Variants in TK1 observed in about 807,000 individuals in gnomAD.
The protein encoded by TK1 is thymidine kinase 1, also known as thymidine kinase, cytosolic.
In TK1, 13 loss-of-function variants were observed where a neutral mutation model predicts 22.4. That is an observed-to-expected ratio of 0.58 (90% confidence interval 0.38 to 0.92). The LOEUF is 0.92. Ranked by LOEUF, TK1 falls within the 40% of genes least tolerant of loss-of-function variation. The pLI, the probability that TK1 is intolerant of heterozygous loss-of-function variation, is 0.00. For synonymous variants in TK1, 134 were observed against 125.4 expected (o/e 1.07, Z -0.46); for missense variants, 251 against 315.7 (o/e 0.80, Z 1.55).
intron 4 of TK1, among the ~76,000 whole-genome samples, chr17:78,178,201 CT>C (rs774135521): frequency 5.9e-5 from 9 of 152,106 alleles, no homozygotes; most frequent in Non-Finnish European, 1.3e-4. Context: ...TAAATCAGAG[CT>C]CCTACTATTG....
intron 4 of TK1, among the ~76,000 whole-genome samples, chr17:78,180,253 G>A (rs2075729214): frequency 6.6e-6 from 1 of 152,230 alleles, no homozygotes; most frequent in Admixed American, 6.5e-5. Flanking sequence ...CAGCCAGCCA[G>A]GGCGACCTAA....
At chr17:78,182,767 C>A in intron 3 of TK1, 85 bp from the exon 4 acceptor site, 1 of 980,596 alleles carries the variant, frequency 1.0e-6, no homozygotes, top group Non-Finnish European at 1.4e-6. Context: ...CTGTCGTGAC[C>A]ACCTGCTACC....
chr17:78,175,487 C>T (rs200898699), intron 5 of TK1, 42 bp downstream of exon 5: 3 of 1,580,932 alleles, frequency 1.9e-6, no homozygotes, highest in South Asian at 1.1e-5. Flanking sequence ...AAGCCTCTTG[C>T]CCTCCTCAAT....
In TK1 at chr17:78,182,583, A is replaced by T. The variant is rs1051792127; in HGVS notation, c.303+6T>A. On this transcript the variant is annotated splice_donor_region_variant and intron_variant, in intron 4 of 6. Coordinates refer to ENST00000301634, the MANE Select transcript of TK1 (RefSeq NM_003258.5). ...GGAAGAGTGATGCCAAGACAAGCCA[A>T]CTTACAAACTGCCCCTCGTCGATGC... The T allele has an allele frequency of 4.5e-6, 7 of 1,570,642 alleles. No individual in the cohort carries two copies. Among genetic ancestry groups the T allele is most frequent in the Non-Finnish European group, 6.1e-6 (7 of 1,156,926 alleles).
rs1011721667 is a variant in TK1 at position 78,174,334 on chromosome 17, CAG to C, written c.*423_*424del. Reference sequence around the variant, plus strand: ...GGGGAGGGTGGGAGCCCATCCCAGGCAGAGAGGCCTAAGCCTCAGTGTGGGCC... The same window carrying C: ...GGGGAGGGTGGGAGCCCATCCCAGGCAGAGGCCTAAGCCTCAGTGTGGGCC... On this transcript the variant is annotated 3_prime_UTR_variant, in exon 7 of 7. Coordinates refer to ENST00000301634, the MANE Select transcript of TK1 (RefSeq NM_003258.5). 3.0e-5 allele frequency: 5 copies of C among 164,804 alleles called. No individual in the cohort carries two copies. Among genetic ancestry groups the C allele is most frequent in the Non-Finnish European group, 6.5e-5 (5 of 76,754 alleles). The allele number at this position is 164,804 out of a possible 1,614,324, so 10.2% of individuals were successfully genotyped here.
rs1256732761 is a variant in TK1 at position 78,186,695 on chromosome 17, GAGGGGAGGGGAGGGA to G, written c.98+77_98+91del. On this transcript the variant is annotated intron_variant, in intron 2 of 6. Transcript: ENST00000301634. ...AAGGGGAGGGAAGGGAAGGGGAGGG[GAGGGGAGGGGAGGGA>G]AGGGGAGGGGAGGGACGGGACAAGG... is the stretch of plus-strand genomic sequence containing the variant. 1.8e-3 allele frequency: 1,946 copies of G among 1,096,186 alleles called. 2 individuals are homozygous for G. The highest frequency in any genetic ancestry group is 4.1e-3 in the Middle Eastern group (14 of 3,426). The allele number at this position is 1,096,186 out of a possible 1,614,324, so 67.9% of individuals were successfully genotyped here.
In TK1 at chr17:78,175,626, G is replaced by T; in HGVS notation, c.304-8C>A. 2 of 1,612,330 alleles carry T rather than the reference G, an allele frequency of 1.2e-6. No individual in the cohort carries two copies. Among genetic ancestry groups the T allele is most frequent in the Non-Finnish European group, 1.7e-6 (2 of 1,179,444 alleles). On this transcript the variant is annotated splice_polypyrimidine_tract_variant and splice_region_variant and intron_variant, in intron 4 of 6. Coordinates refer to ENST00000301634, the MANE Select transcript of TK1 (RefSeq NM_003258.5). ...CTCCACGATGTCAGGGAACTGGAAA[G>T]GGCACGTGGAGAAAGAGTGTGAGAG...
chr17:78,176,111 C>T (rs1447282208), intron 4 of TK1, among the ~76,000 whole-genome samples: 1 of 152,200 alleles, frequency 6.6e-6, no homozygotes, highest in African/African-American at 2.4e-5. Context: ...GCTTTGTGCT[C>T]TTGCCTCCCC....
Position 78,182,588 on chromosome 17 carries a change from C to T in TK1, c.303+1G>A. The T allele has an allele frequency of 6.4e-7, 1 of 1,574,630 alleles. No homozygotes were observed. The highest frequency in any genetic ancestry group is 8.6e-7 in the Non-Finnish European group (1 of 1,159,300). On this transcript the variant is annotated splice_donor_variant, in intron 4 of 6. Coordinates refer to ENST00000301634, the MANE Select transcript of TK1 (RefSeq NM_003258.5). LOFTEE classifies it high-confidence loss of function. ...AGTGATGCCAAGACAAGCCAACTTA[C>T]AAACTGCCCCTCGTCGATGCCTATG...
At chr17:78,186,285 C>G (rs555457635) in intron 2 of TK1, among the ~76,000 whole-genome samples, 2 of 152,198 alleles carry the variant, frequency 1.3e-5, no homozygotes, top group South Asian at 4.1e-4. Context: ...GTAGTTTACT[C>G]AAGAAACTCA....
At position 78,182,675 on chromosome 17, in the gene TK1, T is replaced by G; in HGVS notation, c.217A>C (p.Met73Leu). ...AGCAGGCAGGCGGGCAGTGCCTCCA[T>G]GGTGTTCCTGGGAAGAGAAAGCCAG... is the stretch of plus-strand genomic sequence containing the variant. Reference protein sequence around the residue: ...SSFCTHDRNTMEALPACLLRD... With the variant: ...SSFCTHDRNTLEALPACLLRD... The change falls in exon 4 of 7, where the codon ATG (methionine) becomes CTG (leucine). Residue 73 changes from methionine (M) to leucine (L), a missense_variant. Transcript: ENST00000301634. 1.9e-6 allele frequency: 3 copies of G among 1,575,928 alleles called. No individual in the cohort carries two copies. The highest frequency in any genetic ancestry group is 1.7e-6 in the Non-Finnish European group (2 of 1,164,948).
chr17:78,179,085 G>A (rs972596432), intron 4 of TK1: 1 of 880,470 alleles, frequency 1.1e-6, no homozygotes, highest in African/African-American at 1.8e-5. Context: ...AGAAGGGAAA[G>A]GTTTCTGCCT....
intron 4 of TK1, chr17:78,179,487 C>G: frequency 1.0e-6 from 1 of 985,458 alleles, no homozygotes; most frequent in Non-Finnish European, 1.2e-6. Context: ...GTCGGGAACC[C>G]AGAGCGGACA....
rs759650936 is a variant in TK1 at position 78,174,492 on chromosome 17, G to T, written c.*267C>A. ...CCCTCACCCCAAGGAGAGGGAGTGTGCCAGATCCCAGGCCACCAAGCGGGG... is the reference window on the plus strand; with the variant it reads ...CCCTCACCCCAAGGAGAGGGAGTGTTCCAGATCCCAGGCCACCAAGCGGGG... On this transcript the variant is annotated 3_prime_UTR_variant, in exon 7 of 7. Coordinates refer to ENST00000301634, the MANE Select transcript of TK1 (RefSeq NM_003258.5). 9.8e-6 allele frequency: 5 copies of T among 509,046 alleles called. No homozygotes were observed. The highest frequency in any genetic ancestry group is 3.9e-5 in the African/African-American group (2 of 51,344). 31.5% of individuals were successfully genotyped at this position (509,046 alleles called of 1,614,324 possible). A position where few individuals can be genotyped will look rare whatever the true frequency, so the allele number is the denominator to read the frequency against.
intron 4 of TK1, among the ~76,000 whole-genome samples, chr17:78,178,656 T>C (rs916763722): frequency 2.6e-5 from 4 of 152,188 alleles, no homozygotes; most frequent in African/African-American, 7.2e-5. Flanking sequence ...TTGTTTTGTT[T>C]TGAGACTGAG....
At position 78,179,337 on chromosome 17, in the gene TK1, C is replaced by T. The variant is rs954190507; in HGVS notation, c.303+3252G>A. 1.4e-5 allele frequency: 14 copies of T among 985,234 alleles called. No homozygotes were observed. The African/African-American group carries it at 2.3e-4, about 16-fold the overall frequency. The allele number at this position is 985,234 out of a possible 1,614,324, so 61.0% of individuals were successfully genotyped here. On this transcript the variant is annotated intron_variant, in intron 4 of 6. Transcript: ENST00000301634. ...TTCCCAGCCTGGGCTCACTTTCTCG[C>T]CAGGAGTCCCTCAAGCACGGGGCAG...
intron 4 of TK1, among the ~76,000 whole-genome samples, chr17:78,182,234 C>T (rs893282565): frequency 3.3e-5 from 5 of 151,662 alleles, no homozygotes; most frequent in Admixed American, 3.3e-4. Context: ...ATTAGCTGGG[C>T]GTGGTGGCGC....
At chr17:78,185,309 G>T in intron 2 of TK1, 144 bp from the exon 3 acceptor site, 1 of 633,298 alleles carries the variant, frequency 1.6e-6, no homozygotes. Context: ...GGGCAGAGCA[G>T]GCAGGGTATA....
chr17:78,179,250 A>G, intron 4 of TK1: 1 of 985,450 alleles, frequency 1.0e-6, no homozygotes, highest in Non-Finnish European at 1.2e-6. Context: ...AAGCTGATGC[A>G]AAATCCCTGG....
Sources: allele counts gnomAD v4.1 joint callset (sites outside exome capture counted in the v4.1 genomes callset), GRCh38; gene constraint gnomAD v4.1.1; transcripts MANE v1.5; gene names NCBI Gene and HGNC (gene_info 2026-07-23, HGNC 2026-07-21).